ZC2HC1A: variants seen among roughly 807,000 people sequenced by gnomAD.
ZC2HC1A encodes zinc finger C2HC domain-containing protein 1A.
A neutral mutation model predicts 40.7 loss-of-function variants in ZC2HC1A; 28 were observed. That is an observed-to-expected ratio of 0.69 (90% confidence interval 0.51 to 0.94). The LOEUF (loss-of-function observed/expected upper bound fraction) is 0.94. ZC2HC1A is among the 40% of genes least tolerant of loss of function. ZC2HC1A has a pLI of 0.00. For synonymous variants in ZC2HC1A, 129 were observed against 129.2 expected, an observed-to-expected ratio of 1.00 and a Z score of 0.01; for missense variants, 389 against 386.3, an observed-to-expected ratio of 1.01 and a Z score of -0.06.
At chr8:78,694,368 AC>A (rs1810328990) in intron 5 of ZC2HC1A, among the ~76,000 whole-genome samples, 1 of 151,926 alleles carries the variant, frequency 6.6e-6, no homozygotes, top group Admixed American at 6.6e-5. Context: ...TACAAGTAAA[AC>A]GGTATTCATG....
chr8:78,677,976 A>G (rs776391383), intron 2 of ZC2HC1A, among the ~76,000 whole-genome samples: 3 of 152,162 alleles, frequency 2.0e-5, no homozygotes, highest in Non-Finnish European at 4.4e-5. Context: ...CATATAGGGT[A>G]ACTTCCTGAT....
Position 78,689,288 on chromosome 8 carries a change from T to C in ZC2HC1A, c.419T>C (p.Phe140Ser). 6.2e-7 allele frequency: 1 copy of C among 1,602,692 alleles called. No individual in the cohort carries two copies. The highest frequency in any genetic ancestry group is 8.5e-7 in the Non-Finnish European group (1 of 1,174,424). ...AATGCAGCTGATAGACATATAAATTTCTGTAAAGAACAGGCAGCACGTATT... is the reference window on the plus strand; with the variant it reads ...AATGCAGCTGATAGACATATAAATTCCTGTAAAGAACAGGCAGCACGTATT... ...NENAADRHIN[F>S]CKEQAARISN... The change falls in exon 5 of 9, where the codon TTC becomes TCC. Residue 140 changes from phenylalanine (F) to serine (S), a missense_variant. Physicochemically the swap from Phe to Ser is radical, Grantham distance 155. Transcript: ENST00000263849.
intron 4 of ZC2HC1A, among the ~76,000 whole-genome samples, 195 bp from the exon 5 acceptor site, chr8:78,689,027 C>G (rs1810118285): frequency 1.7e-5 from 2 of 120,398 alleles, no homozygotes; most frequent in South Asian, 6.3e-4. Context: ...AGTCATGTAC[C>G]AGCAGACTTT....
At chr8:78,693,592 T>G (rs1810294588) in intron 5 of ZC2HC1A, among the ~76,000 whole-genome samples, 1 of 152,170 alleles carries the variant, frequency 6.6e-6, no homozygotes, top group African/African-American at 2.4e-5. Context: ...TGTTTTTTTC[T>G]TGTAAATTTG....
chr8:78,685,265 A>T (rs950807739), intron 3 of ZC2HC1A, among the ~76,000 whole-genome samples: 1 of 152,184 alleles, frequency 6.6e-6, no homozygotes, highest in African/African-American at 2.4e-5. Flanking sequence ...ATGTTAAAAA[A>T]ATAAGCGAAA....
At chr8:78,687,604 A>G (rs3932062) in intron 4 of ZC2HC1A, among the ~76,000 whole-genome samples, 127,154 of 129,214 alleles carry the variant, frequency 0.98, 62,778 homozygotes, top group East Asian at 1. Context: ...ATATATTTAC[A>G]TAATACATTA....
chr8:78,686,474 C>A lies in ZC2HC1A; in HGVS notation c.218C>A (p.Pro73Gln). 2.0e-6 allele frequency: 3 copies of A among 1,472,100 alleles called. No individual in the cohort carries two copies. The highest frequency in any genetic ancestry group is 2.7e-6 in the Non-Finnish European group (3 of 1,110,612). The allele number at this position is 1,472,100 out of a possible 1,614,324, so 91.2% of individuals were successfully genotyped here. Residue 73 changes from proline to glutamine, a missense_variant, in exon 4 of 9, where the codon CCA (proline) becomes CAA (glutamine). Transcript: ENST00000263849. ...TTATTTATTTATTTATAGCCAGAAC[C>A]ACCAAAGAAACCATCTAATTGGAGA... ...TVKPLKPRPE[P>Q]PKKPSNWRRK...
At chr8:78,693,016 A>G (rs528626357) in intron 5 of ZC2HC1A, among the ~76,000 whole-genome samples, 1 of 151,972 alleles carries the variant, frequency 6.6e-6, no homozygotes, top group Non-Finnish European at 1.5e-5. Context: ...TTTGCTGAGA[A>G]TGATGGTTTC....
chr8:78,686,431 G>GTTTA (rs60056547), intron 3 of ZC2HC1A, 36 bp from the exon 4 acceptor site: 169,326 of 1,167,598 alleles, frequency 0.15, 9,415 homozygotes, highest in Middle Eastern at 0.21. Flanking sequence ...GATACTGTTT[G>GTTTA]TTTATTTATT....
rs570638788 is a variant in ZC2HC1A at position 78,695,134 on chromosome 8, G to A, written c.505-2273G>A. ...ATAATGTTTTAAACAAGCAGTTTTC[G>A]GAAAGGAAACTAACCTGACTAGTTC... On this transcript the variant is annotated intron_variant, in intron 5 of 8. Coordinates refer to ENST00000263849, the MANE Select transcript of ZC2HC1A (RefSeq NM_016010.3). Among the ~76,000 whole-genome samples the A allele has an allele frequency of 2.8e-4, 42 of 152,198 alleles. No homozygotes were observed. In the East Asian group the frequency reaches 6.2e-3, roughly 22 times the overall value.
chr8:78,680,008 T>C (rs762412960), intron 3 of ZC2HC1A, among the ~76,000 whole-genome samples: 2 of 152,086 alleles, frequency 1.3e-5, no homozygotes, highest in African/African-American at 2.4e-5. Flanking sequence ...AGTCAGACTG[T>C]CTGAATTTAA....
rs539244097 is a variant in ZC2HC1A at position 78,697,146 on chromosome 8, C to T, written c.505-261C>T. On this transcript the variant is annotated intron_variant, in intron 5 of 8. Coordinates refer to ENST00000263849, the MANE Select transcript of ZC2HC1A (RefSeq NM_016010.3). ...TAAGGGAATGTGAGCTGTTTCTTTC[C>T]AATTATTTTTTTACTGTGGTATAAT... Among the ~76,000 whole-genome samples, 9 of 152,114 alleles carry T rather than the reference C, an allele frequency of 5.9e-5. No homozygotes were observed. In the South Asian group the frequency reaches 1.7e-3, roughly 28 times the overall value.
chr8:78,680,029 G>C (rs1264981832), intron 3 of ZC2HC1A, among the ~76,000 whole-genome samples: 2 of 152,080 alleles, frequency 1.3e-5, no homozygotes, highest in African/African-American at 4.8e-5. Context: ...CTTTCACTTT[G>C]CTACATACCG....
At chr8:78,710,913 T>A (rs1810931235) in intron 7 of ZC2HC1A, among the ~76,000 whole-genome samples, 1 of 152,038 alleles carries the variant, frequency 6.6e-6, no homozygotes. Context: ...AGACAAAAAT[T>A]AATAAAATGT....
At chr8:78,706,964 A>G (rs540350685) in intron 7 of ZC2HC1A, among the ~76,000 whole-genome samples, 2 of 152,350 alleles carry the variant, frequency 1.3e-5, no homozygotes, top group Admixed American at 6.5e-5. Flanking sequence ...CAGGCTATCC[A>G]TAAGAAAGAG....
At chr8:78,680,287 A>C (rs1408293824) in intron 3 of ZC2HC1A, among the ~76,000 whole-genome samples, 180 of 3,608 alleles carry the variant, frequency 0.05, no homozygotes, top group African/African-American at 0.082. Context: ...ACTCCGTCTC[A>C]AAAAAAAAAA....
chr8:78,697,263 C>T, intron 5 of ZC2HC1A, 144 bp from the exon 6 acceptor site: 5 of 616,016 alleles, frequency 8.1e-6, no homozygotes, highest in Middle Eastern at 3.7e-4. Flanking sequence ...TGATGTGCAA[C>T]CATCATCACC....
chr8:78,698,654 A>C (rs1341612293), intron 7 of ZC2HC1A, 141 bp downstream of exon 7: 6 of 534,734 alleles, frequency 1.1e-5, no homozygotes, highest in African/African-American at 3.9e-5. Flanking sequence ...TCAGGAGCAC[A>C]CTCACTGCTG....
chr8:78,696,925 G>A, intron 5 of ZC2HC1A, among the ~76,000 whole-genome samples: 1 of 152,104 alleles, frequency 6.6e-6, no homozygotes. Flanking sequence ...TTTGTTTGGT[G>A]TTTAAAATCT....
Sources: allele counts gnomAD v4.1 joint callset (sites outside exome capture counted in the v4.1 genomes callset), GRCh38; gene constraint gnomAD v4.1.1; transcripts MANE v1.5; gene names NCBI Gene and HGNC (gene_info 2026-07-23, HGNC 2026-07-21).